Variants in PLAC8 observed in about 807,000 individuals in gnomAD.
The protein encoded by PLAC8 is placenta-specific gene 8 protein.
Under a neutral mutation model 12.6 loss-of-function variants are expected in PLAC8, and 6 were observed. That is an observed-to-expected ratio of 0.48 (90% CI 0.26 to 0.94). PLAC8 has a LOEUF of 0.94. Among genes scored for constraint, PLAC8 ranks in the 40% least tolerant of loss-of-function variants. The probability of loss-of-function intolerance (pLI) is 0.14; values close to 1 mark genes in which losing one functional copy is unlikely to be tolerated. For synonymous variants in PLAC8, 54 were observed against 52.6 expected, an observed-to-expected ratio of 1.03 and a Z score of -0.11; for missense variants, 122 against 152.7, an observed-to-expected ratio of 0.80 and a Z score of 1.06.
intron 2 of PLAC8, among the ~76,000 whole-genome samples, chr4:83,105,711 A>G (rs1375453752): frequency 2.6e-5 from 4 of 152,244 alleles, no homozygotes; most frequent in Non-Finnish European, 5.9e-5. Flanking sequence ...GATCAGATCT[A>G]CATTTAAGAA....
chr4:83,092,590 C>A (rs1455435444), intron 4 of PLAC8, among the ~76,000 whole-genome samples: 1 of 151,858 alleles, frequency 6.6e-6, no homozygotes, highest in Non-Finnish European at 1.5e-5. Context: ...TTCAAGCCTG[C>A]AATAATTTCC....
chr4:83,093,286 T>C (rs1382479937), intron 4 of PLAC8: 1 of 152,206 alleles, frequency 6.6e-6, no homozygotes, highest in Admixed American at 6.5e-5. Flanking sequence ...CATCCGAAAG[T>C]GAGGTCAGGG....
At chr4:83,091,148 G>A (rs1461493993) in intron 4 of PLAC8, among the ~76,000 whole-genome samples, 177 bp from the exon 5 acceptor site, 1 of 152,106 alleles carries the variant, frequency 6.6e-6, no homozygotes, top group East Asian at 1.9e-4. Flanking sequence ...TACCATGGGA[G>A]GTTTGTCAAA....
At chr4:83,111,994 G>A (rs1732432693) in intron 1 of PLAC8, among the ~76,000 whole-genome samples, 2 of 151,968 alleles carry the variant, frequency 1.3e-5, no homozygotes, top group Non-Finnish European at 2.9e-5. Flanking sequence ...GAACAACATG[G>A]AGAAACCCTG....
At chr4:83,095,806 TA>T (rs1731912094) in intron 3 of PLAC8, among the ~76,000 whole-genome samples, 1 of 152,206 alleles carries the variant, frequency 6.6e-6, no homozygotes, top group Non-Finnish European at 1.5e-5. Context: ...TAGATGATTT[TA>T]AAAACACTTC....
intron 1 of PLAC8, among the ~76,000 whole-genome samples, chr4:83,110,155 C>T (rs1481376795): frequency 6.6e-6 from 1 of 152,168 alleles, no homozygotes; most frequent in Non-Finnish European, 1.5e-5. Flanking sequence ...CCAGGCTCAC[C>T]GGGCATTTCT....
chr4:83,107,671 T>A, intron 2 of PLAC8, 133 bp downstream of exon 2: 1 of 193,940 alleles, frequency 5.2e-6, no homozygotes, highest in Non-Finnish European at 1.1e-5. Flanking sequence ...AAACATACCA[T>A]TGCCTGACAT....
intron 1 of PLAC8, among the ~76,000 whole-genome samples, chr4:83,111,230 A>T (rs1249398972): frequency 6.6e-6 from 1 of 152,212 alleles, no homozygotes; most frequent in Non-Finnish European, 1.5e-5. Context: ...TGGCCTCCCA[A>T]AACACTGGAA....
intron 2 of PLAC8, 41 bp downstream of exon 2, chr4:83,107,763 C>T (rs1332356739): frequency 8.3e-7 from 1 of 1,211,770 alleles, no homozygotes. Context: ...TGGTAATTCA[C>T]CTCGGTATCA....
chr4:83,105,547 T>TAA, intron 2 of PLAC8, among the ~76,000 whole-genome samples: 1 of 152,352 alleles, frequency 6.6e-6, no homozygotes, highest in East Asian at 1.9e-4. Context: ...AGGCTAGTGT[T>TAA]CATTCAATAT....
intron 1 of PLAC8, among the ~76,000 whole-genome samples, chr4:83,113,436 C>T (rs1190928929): frequency 1.3e-5 from 2 of 152,206 alleles, no homozygotes; most frequent in African/African-American, 4.8e-5. Flanking sequence ...AACCCACGAC[C>T]AGTGGCCTTA....
At chr4:83,110,279 AGATG>A (rs1227265063) in intron 1 of PLAC8, among the ~76,000 whole-genome samples, 1 of 124,334 alleles carries the variant, frequency 8.0e-6, no homozygotes, top group East Asian at 2.4e-4. Flanking sequence ...AATGCTTATT[AGATG>A]GACCCTGGAT....
rs2126138727 is a variant in PLAC8, at chr4:83,090,538, A to G, written c.*443T>C. ...GCGAGACTCTATCTCAAAAAAAAAA[A>G]AAAAAAAAGAAAGAAAGATCCCCCA... On this transcript the variant is annotated 3_prime_UTR_variant, in exon 5 of 5. Coordinates refer to ENST00000311507, the MANE Select transcript of PLAC8 (RefSeq NM_016619.3). The G allele has an allele frequency of 1.3e-5, 2 of 148,680 alleles. No homozygotes were observed. The highest frequency in any genetic ancestry group is 4.2e-4 in the South Asian group (2 of 4,722). 9.2% of individuals were successfully genotyped at this position (148,680 alleles called of 1,614,324 possible).
chr4:83,107,621 T>C (rs919224064), intron 2 of PLAC8, among the ~76,000 whole-genome samples, 183 bp downstream of exon 2: 1 of 82,642 alleles, frequency 1.2e-5, no homozygotes, highest in Admixed American at 1.4e-4. Flanking sequence ...ATACGGAGGC[T>C]TTTTTTTTTT....
chr4:83,108,178 T>A (rs1732309005), intron 1 of PLAC8, among the ~76,000 whole-genome samples: 1 of 151,664 alleles, frequency 6.6e-6, no homozygotes, highest in Admixed American at 6.6e-5. Context: ...AGGTTGCTCT[T>A]TAAAGGCCCA....
intron 4 of PLAC8, among the ~76,000 whole-genome samples, chr4:83,091,189 T>C (rs546427455): frequency 8.5e-5 from 13 of 152,346 alleles, no homozygotes; most frequent in African/African-American, 3.1e-4. Context: ...GCATTACTAC[T>C]AATCAAAGCC....
At chr4:83,103,699 C>A (rs1320573217) in intron 3 of PLAC8, among the ~76,000 whole-genome samples, 2 of 152,108 alleles carry the variant, frequency 1.3e-5, no homozygotes, top group African/African-American at 2.4e-5. Context: ...GAGATGGAGT[C>A]TTGCTCTGTT....
intron 1 of PLAC8, among the ~76,000 whole-genome samples, chr4:83,109,523 C>A (rs1732351207): frequency 6.6e-6 from 1 of 152,180 alleles, no homozygotes; most frequent in Admixed American, 6.5e-5. Flanking sequence ...CGGATGTGTA[C>A]GTGGCGGTGG....
At chr4:83,092,764 T>C (rs574246159) in intron 4 of PLAC8, 1 of 152,096 alleles carries the variant, frequency 6.6e-6, no homozygotes, top group East Asian at 1.9e-4. Flanking sequence ...GTTTCATTAA[T>C]ATTGCTGATT....
Sources: allele counts gnomAD v4.1 joint callset (sites outside exome capture counted in the v4.1 genomes callset), GRCh38; gene constraint gnomAD v4.1.1; transcripts MANE v1.5; gene names NCBI Gene and HGNC (gene_info 2026-07-23, HGNC 2026-07-21).